The following CAMTA1 variants were observed in gnomAD, a reference collection of about 807,000 sequenced individuals.
The protein encoded by CAMTA1 is calmodulin-binding transcription activator 1.
Under a neutral mutation model 170.9 loss-of-function variants are expected in CAMTA1, and 27 were observed. That is an observed-to-expected ratio of 0.16 (90% confidence interval 0.12 to 0.22). CAMTA1 has a LOEUF of 0.22. CAMTA1 is among the 10% of genes least tolerant of loss of function. CAMTA1 has a pLI of 1.00. For missense variants in CAMTA1, 1,619 were observed against 2,217.2 expected, an observed-to-expected ratio of 0.73 and a Z score of 5.42; for synonymous variants, 833 against 891.5, an observed-to-expected ratio of 0.93 and a Z score of 1.17.
chr1:7,629,543 G>A (rs147808823), intron 6 of CAMTA1, among the ~76,000 whole-genome samples: 12 of 152,310 alleles, frequency 7.9e-5, no homozygotes, highest in African/African-American at 2.4e-4. Context: ...GGGGGAACCC[G>A]TATTCTTAGC....
chr1:7,163,025 TA>T (rs1465133003), intron 4 of CAMTA1, among the ~76,000 whole-genome samples: 1 of 143,314 alleles, frequency 7.0e-6, no homozygotes, highest in African/African-American at 2.5e-5. Context: ...TGTGAGGCAC[TA>T]AGGGAGGCTG....
intron 6 of CAMTA1, among the ~76,000 whole-genome samples, chr1:7,502,864 G>A (rs1289610341): frequency 6.6e-6 from 1 of 152,200 alleles, no homozygotes; most frequent in East Asian, 1.9e-4. Flanking sequence ...CCCCTACAAG[G>A]GCTGAAGCGA....
intron 1 of CAMTA1, among the ~76,000 whole-genome samples, chr1:6,794,883 T>TC (rs1642074375): frequency 6.8e-6 from 1 of 146,880 alleles, no homozygotes; most frequent in Non-Finnish European, 1.5e-5. Context: ...ATAAAGGCTT[T>TC]TTTTTTGTTT....
chr1:6,992,422 C>T lies in CAMTA1; in HGVS notation c.235-98882C>T, dbSNP rs1265834757. On this transcript the variant is annotated intron_variant, in intron 3 of 22. Coordinates refer to ENST00000303635, the MANE Select transcript of CAMTA1 (RefSeq NM_015215.4). ...CTGATTATTTCTTTCCATGCCTTCT[C>T]TAAGAAATCTTTGCTTATTGTGAAG... Among the ~76,000 whole-genome samples, 3 of 152,174 alleles carry T rather than the reference C, an allele frequency of 2.0e-5. 1 individual carries two copies. The highest frequency in any genetic ancestry group is 3.8e-4 in the East Asian group (2 of 5,204).
chr1:7,377,127 G>A (rs965481667), intron 5 of CAMTA1, among the ~76,000 whole-genome samples: 4 of 152,162 alleles, frequency 2.6e-5, no homozygotes, highest in Non-Finnish European at 5.9e-5. Flanking sequence ...TCGCCTGACC[G>A]AGGGCTGAGG....
intron 4 of CAMTA1, among the ~76,000 whole-genome samples, chr1:7,104,041 A>AACAC (rs140952517): frequency 2.7e-5 from 4 of 150,330 alleles, no homozygotes; most frequent in East Asian, 3.9e-4. Flanking sequence ...ATATGCATAC[A>AACAC]ACACACACAA....
intron 4 of CAMTA1, among the ~76,000 whole-genome samples, chr1:7,157,139 C>G (rs894661167): frequency 2.0e-5 from 3 of 151,886 alleles, no homozygotes; most frequent in East Asian, 1.9e-4. Flanking sequence ...GTCAGGAGAT[C>G]GAGACCATCC....
At chr1:7,712,510 A>T (rs1169387124) in intron 11 of CAMTA1, among the ~76,000 whole-genome samples, 1 of 152,090 alleles carries the variant, frequency 6.6e-6, no homozygotes, top group Admixed American at 6.6e-5. Flanking sequence ...TTGTAGAGAC[A>T]GGGTTTCATA....
intron 4 of CAMTA1, among the ~76,000 whole-genome samples, chr1:7,229,336 C>T (rs1422162830): frequency 4.1e-5 from 6 of 147,726 alleles, no homozygotes; most frequent in African/African-American, 1.5e-4. Flanking sequence ...TGAAGTGTTG[C>T]AGGGCTGGAC....
chr1:7,326,186 G>C (rs1679237259), intron 5 of CAMTA1, among the ~76,000 whole-genome samples: 1 of 152,134 alleles, frequency 6.6e-6, no homozygotes, highest in Non-Finnish European at 1.5e-5. Flanking sequence ...TGGACCTTAA[G>C]CTTATACAAT....
At chr1:7,101,890 T>G (rs1425409280) in intron 4 of CAMTA1, among the ~76,000 whole-genome samples, 1 of 152,190 alleles carries the variant, frequency 6.6e-6, no homozygotes. Context: ...AGCATATACA[T>G]GCACATATAC....
rs950442737 is a variant in CAMTA1 at position 6,955,298 on chromosome 1, C to T, written c.234+130088C>T. ...GCACCCTGCTATACTCTCACCATCT[C>T]CCCTCACCCCTCCACTCCTCTTCCC... On this transcript the variant is annotated intron_variant, in intron 3 of 22. Transcript: ENST00000303635. Among the ~76,000 whole-genome samples the T allele has an allele frequency of 3.3e-5, 5 of 152,134 alleles. No individual in the cohort carries two copies. The East Asian group carries it at 9.7e-4, about 29-fold the overall frequency.
At chr1:7,037,837 CAAAAA>C (rs1156819723) in intron 3 of CAMTA1, among the ~76,000 whole-genome samples, 13 of 127,702 alleles carry the variant, frequency 1.0e-4, no homozygotes, top group African/African-American at 3.6e-4. Context: ...GACTCCATAT[CAAAAA>C]AAAAAAAATG....
chr1:7,330,033 TC>T (rs2082924597), intron 5 of CAMTA1, among the ~76,000 whole-genome samples: 1 of 152,128 alleles, frequency 6.6e-6, no homozygotes, highest in South Asian at 2.1e-4. Flanking sequence ...GCTTCTTTCT[TC>T]CCCAACACTT....
At chr1:6,923,983 G>A (rs1682570569) in intron 3 of CAMTA1, among the ~76,000 whole-genome samples, 1 of 152,194 alleles carries the variant, frequency 6.6e-6, no homozygotes, top group Non-Finnish European at 1.5e-5. Context: ...AAGACCATTA[G>A]GCTGGTCTGT....
rs1248130895 is a variant in CAMTA1 at position 6,918,902 on chromosome 1, G to A, written c.234+93692G>A. Reference sequence around the variant, plus strand: ...GCCGCTCTCATGGCCTCAAATTCAAGGGTGTGGCCGCTCCAAAGGCACCAC... The same window carrying A: ...GCCGCTCTCATGGCCTCAAATTCAAAGGTGTGGCCGCTCCAAAGGCACCAC... On this transcript the variant is annotated intron_variant, in intron 3 of 22. Coordinates refer to ENST00000303635, the MANE Select transcript of CAMTA1 (RefSeq NM_015215.4). The surrounding 1 kb of genome is among the most constrained non-coding windows in gnomAD (Gnocchi z 4.0). 6.6e-6 allele frequency among the ~76,000 whole-genome samples: 1 copy of A among 152,214 alleles called. No individual in the cohort carries two copies. Among genetic ancestry groups the A allele is most frequent in the Non-Finnish European group, 1.5e-5 (1 of 68,040 alleles).
intron 11 of CAMTA1, among the ~76,000 whole-genome samples, chr1:7,701,968 G>C (rs140777490): frequency 6.6e-6 from 1 of 152,198 alleles, no homozygotes; most frequent in Non-Finnish European, 1.5e-5. Context: ...GGCAGCACTC[G>C]GGGCTTGCCT....
intron 4 of CAMTA1, among the ~76,000 whole-genome samples, chr1:7,160,521 C>T (rs1647151384): frequency 6.6e-6 from 1 of 152,062 alleles, no homozygotes; most frequent in Non-Finnish European, 1.5e-5. Context: ...GAGTACCATG[C>T]TTCCTGGCTT....
At chr1:7,496,924 A>G (rs1035059996) in intron 6 of CAMTA1, among the ~76,000 whole-genome samples, 3 of 149,780 alleles carry the variant, frequency 2.0e-5, no homozygotes, top group Admixed American at 6.6e-5. Flanking sequence ...CATCCTGAGC[A>G]GCCACCGAGA....
Sources: gnomAD v4.1 joint callset for allele counts (sites outside exome capture counted in the v4.1 genomes callset) on GRCh38, gnomAD v4.1.1 for gene constraint, Gnocchi (gnomAD v3.1) non-coding constraint, MANE v1.5 for transcripts, NCBI Gene and HGNC (gene_info 2026-07-23, HGNC 2026-07-21) for gene names.